Variants in RAP1GAP2 observed in about 807,000 individuals in gnomAD.
The protein encoded by RAP1GAP2 is rap1 GTPase-activating protein 2.
RAP1GAP2 carries 27 observed loss-of-function variants against 95.0 expected under a neutral mutation model. That is an observed-to-expected ratio of 0.28 (90% CI 0.21 to 0.39). RAP1GAP2 has a LOEUF of 0.39. Among genes scored for constraint, RAP1GAP2 ranks in the 10% least tolerant of loss-of-function variants. RAP1GAP2 has a pLI of 1.00. For synonymous variants in RAP1GAP2, 373 were observed against 380.9 expected (o/e 0.98, Z 0.24); for missense variants, 771 against 970.0 (o/e 0.79, Z 2.72).
chr17:2,904,422 T>G lies in RAP1GAP2; in HGVS notation c.81-862T>G, dbSNP rs954443745. 3.3e-5 allele frequency among the ~76,000 whole-genome samples: 5 copies of G among 152,200 alleles called. No individual in the cohort carries two copies. Among genetic ancestry groups the G allele is most frequent in the Admixed American group, 6.5e-5 (1 of 15,276 alleles). On this transcript the variant is annotated intron_variant, in intron 2 of 24. Coordinates refer to ENST00000254695, the MANE Select transcript of RAP1GAP2 (RefSeq NM_015085.5). The surrounding 1 kb of genome is among the most constrained non-coding windows in gnomAD (Gnocchi z 4.7). ...TCATGTTGCCATGGTGACACAACTCTGTTTAGCTGCCTCTCTACCGTCCTA... is the reference window on the plus strand; with the variant it reads ...TCATGTTGCCATGGTGACACAACTCGGTTTAGCTGCCTCTCTACCGTCCTA...
chr17:3,014,545 A>ATTTTTTTTTTTTTTTTTTTTTTTTTTTT (rs10542901), intron 17 of RAP1GAP2, among the ~76,000 whole-genome samples: 1 of 105,102 alleles, frequency 9.5e-6, no homozygotes, highest in Non-Finnish European at 1.9e-5. Flanking sequence ...AAAGATGCTG[A>ATTTTTTTTTTTTTTTTTTTTTTTTTTTT]TTTTTTTTTT....
chr17:2,900,320 C>T (rs1417488932), intron 2 of RAP1GAP2, among the ~76,000 whole-genome samples: 1 of 152,206 alleles, frequency 6.6e-6, no homozygotes, highest in East Asian at 1.9e-4. Flanking sequence ...TGGACTCTTG[C>T]TTCTGTCTCC....
At chr17:2,899,801 G>T (rs932542300) in intron 2 of RAP1GAP2, among the ~76,000 whole-genome samples, 1 of 152,200 alleles carries the variant, frequency 6.6e-6, no homozygotes, top group African/African-American at 2.4e-5. Flanking sequence ...ATGAGCCACT[G>T]CCCGTGGTCC....
intron 2 of RAP1GAP2, among the ~76,000 whole-genome samples, chr17:2,882,127 T>TTTC (rs1449681903): frequency 6.7e-6 from 1 of 149,472 alleles, no homozygotes; most frequent in Non-Finnish European, 1.5e-5. Context: ...GCCTTTTTTT[T>TTTC]TTTTTTTTTT....
chr17:2,974,206 G>A (rs1179690158), intron 8 of RAP1GAP2, among the ~76,000 whole-genome samples: 3 of 137,616 alleles, frequency 2.2e-5, no homozygotes, highest in Non-Finnish European at 4.8e-5. Context: ...AAAATTAGCT[G>A]GGCGCAGTGG....
At position 3,008,040 on chromosome 17, in the gene RAP1GAP2, C is replaced by G. The variant is rs748112661; in HGVS notation, c.1389C>G (p.Asn463Lys). Residue 463 changes from asparagine to lysine, a missense_variant, in exon 17 of 25, where the codon AAC becomes AAG. Physicochemically the swap from Asn to Lys is moderately conservative, Grantham distance 94. Transcript: ENST00000254695. The surrounding 1 kb of genome is among the most constrained non-coding windows in gnomAD (Gnocchi z 4.2). ...GGACCAGGGCTGCCCTCCTGGACAA[C>G]CTTCACGATGAGCTCCACGCCCACA... Reference protein sequence around the residue: ...EDRTRAALLDNLHDELHAHTQ... With the variant: ...EDRTRAALLDKLHDELHAHTQ... The G allele has an allele frequency of 1.2e-6, 2 of 1,613,958 alleles. No homozygotes were observed. The highest frequency in any genetic ancestry group is 3.3e-5 in the Admixed American group (2 of 60,012).
upstream of RAP1GAP2, among the ~76,000 whole-genome samples, chr17:2,795,207 A>G (rs762143184): frequency 6.6e-4 from 94 of 142,968 alleles, 1 homozygote; most frequent in Admixed American, 4.8e-3. Context: ...TTTTTTTGAG[A>G]CGTTTTCTTC....
intron 2 of RAP1GAP2, among the ~76,000 whole-genome samples, chr17:2,859,412 C>T (rs955833874): frequency 1.3e-5 from 2 of 151,528 alleles, no homozygotes; most frequent in Non-Finnish European, 2.9e-5. Context: ...CCCTGCTTGG[C>T]CCTTTCAACT....
chr17:2,788,995 A>T (rs2068856757), intron 1 of RAP1GAP2, among the ~76,000 whole-genome samples: 2 of 152,220 alleles, frequency 1.3e-5, no homozygotes, highest in Admixed American at 1.3e-4. Flanking sequence ...TAACCAGCAC[A>T]GAGATATTGC....
chr17:2,872,326 G>A (rs1163182122), intron 2 of RAP1GAP2, among the ~76,000 whole-genome samples: 1 of 151,924 alleles, frequency 6.6e-6, no homozygotes, highest in Non-Finnish European at 1.5e-5. Context: ...AATAGCAAGG[G>A]GTTGCAATCT....
intron 1 of RAP1GAP2, among the ~76,000 whole-genome samples, chr17:2,777,967 G>T (rs62069989): frequency 0.075 from 3,207 of 42,946 alleles, 178 homozygotes; most frequent in East Asian, 0.31. Flanking sequence ...GCTGGGAGGC[G>T]GGGAGGCTGG....
chr17:2,761,979 CTTTTTTTTTTTTTTT>C (rs901487276), intron 1 of RAP1GAP2, among the ~76,000 whole-genome samples: 1 of 77,710 alleles, frequency 1.3e-5, no homozygotes, highest in Non-Finnish European at 2.4e-5. Flanking sequence ...GTTTATATAT[CTTTTTTTTTTTTTTT>C]TTTTTTTTTT....
At chr17:2,896,721 G>A (rs1241952677) in intron 2 of RAP1GAP2, among the ~76,000 whole-genome samples, 1 of 152,204 alleles carries the variant, frequency 6.6e-6, no homozygotes, top group African/African-American at 2.4e-5. Context: ...TGCCCGTAGG[G>A]TCCTGTTCCT....
intron 2 of RAP1GAP2, among the ~76,000 whole-genome samples, chr17:2,813,798 A>G (rs996475840): frequency 1.6e-4 from 24 of 151,988 alleles, no homozygotes; most frequent in Admixed American, 6.6e-4. Flanking sequence ...TGTCTCTACT[A>G]AAAAAGTACA....
At chr17:2,999,567 C>T (rs1320930355) in intron 14 of RAP1GAP2, among the ~76,000 whole-genome samples, 1 of 152,134 alleles carries the variant, frequency 6.6e-6, no homozygotes, top group Non-Finnish European at 1.5e-5. Context: ...ATCCTGATTC[C>T]TGGGGTTCAT....
rs2069124436 is a variant in RAP1GAP2 at position 2,797,415 on chromosome 17, C to T, written c.44+844C>T. On this transcript the variant is annotated intron_variant, in intron 1 of 24. Coordinates refer to ENST00000254695, the MANE Select transcript of RAP1GAP2 (RefSeq NM_015085.5). This position sits in a 1 kb window ranked among gnomAD's most constrained non-coding sequence, Gnocchi z 5.6. ...CTTCTTCGCAGCTGGGGAACAGAGTCTGGTGGTTTTCATGATCGGTTTCCT... is the reference window on the plus strand; with the variant it reads ...CTTCTTCGCAGCTGGGGAACAGAGTTTGGTGGTTTTCATGATCGGTTTCCT... 6.6e-6 allele frequency among the ~76,000 whole-genome samples: 1 copy of T among 152,130 alleles called. No homozygotes were observed. Among genetic ancestry groups the T allele is most frequent in the African/African-American group, 2.4e-5 (1 of 41,396 alleles).
At chr17:3,010,747 C>A (rs2046505264) in intron 17 of RAP1GAP2, among the ~76,000 whole-genome samples, 1 of 152,068 alleles carries the variant, frequency 6.6e-6, no homozygotes, top group African/African-American at 2.4e-5. Flanking sequence ...ATCCAGTGAT[C>A]CAGGGAATTC....
chr17:2,889,966 C>T (rs1414993941), intron 2 of RAP1GAP2, among the ~76,000 whole-genome samples: 7 of 146,236 alleles, frequency 4.8e-5, no homozygotes, highest in South Asian at 2.2e-4. Context: ...TCAAGTGATC[C>T]GCCCGCTTTG....
intron 2 of RAP1GAP2, among the ~76,000 whole-genome samples, chr17:2,879,025 G>C (rs758818747): frequency 6.6e-6 from 1 of 152,154 alleles, no homozygotes; most frequent in Non-Finnish European, 1.5e-5. Flanking sequence ...TCTCTGGAGG[G>C]TGTGGCAAGG....
Sources: gnomAD v4.1 joint callset for allele counts (sites outside exome capture counted in the v4.1 genomes callset) on GRCh38, gnomAD v4.1.1 for gene constraint, Gnocchi (gnomAD v3.1) non-coding constraint, MANE v1.5 for transcripts, NCBI Gene and HGNC (gene_info 2026-07-23, HGNC 2026-07-21) for gene names.